CDH8: variants seen among roughly 807,000 people sequenced by gnomAD.
CDH8 encodes the protein cadherin-8.
In CDH8, 17 loss-of-function variants were observed where a neutral mutation model predicts 68.1. The observed-to-expected ratio is 0.25, with a 90% CI of 0.17 to 0.37. CDH8 has a LOEUF of 0.37. CDH8 is among the 10% of genes least tolerant of loss of function. CDH8 has a pLI of 1.00. For synonymous variants in CDH8, 372 were observed against 365.1 expected (o/e 1.02, Z -0.21); for missense variants, 763 against 999.3 (o/e 0.76, Z 3.19).
intron 10 of CDH8, among the ~76,000 whole-genome samples, chr16:61,660,108 G>A (rs1400954320): frequency 6.6e-6 from 1 of 152,082 alleles, no homozygotes; most frequent in East Asian, 1.9e-4. Context: ...TACCACAGAG[G>A]GGGAAATAGA....
intron 2 of CDH8, among the ~76,000 whole-genome samples, chr16:61,932,667 A>C (rs1964564512): frequency 6.6e-6 from 1 of 152,182 alleles, no homozygotes; most frequent in African/African-American, 2.4e-5. Flanking sequence ...AACCCTGTGG[A>C]TATAAGAGTG....
At chr16:61,694,740 A>C (rs1964293558) in intron 10 of CDH8, among the ~76,000 whole-genome samples, 2 of 152,136 alleles carry the variant, frequency 1.3e-5, no homozygotes, top group Admixed American at 6.5e-5. Context: ...TTAATAAACA[A>C]ACATCTCTAT....
intron 4 of CDH8, among the ~76,000 whole-genome samples, chr16:61,847,979 T>G (rs1168960751): frequency 6.6e-6 from 1 of 152,048 alleles, no homozygotes; most frequent in African/African-American, 2.4e-5. Flanking sequence ...TATTGGTTAA[T>G]CTTTGATGCT....
At chr16:61,814,853 A>G (rs1422500484) in intron 7 of CDH8, among the ~76,000 whole-genome samples, 1 of 152,166 alleles carries the variant, frequency 6.6e-6, no homozygotes, top group Non-Finnish European at 1.5e-5. Flanking sequence ...AGAGAGAGGG[A>G]AGCTGCTCTC....
intron 1 of CDH8, among the ~76,000 whole-genome samples, chr16:62,029,179 A>G (rs1295122011): frequency 6.6e-6 from 1 of 152,188 alleles, no homozygotes; most frequent in Non-Finnish European, 1.5e-5. Flanking sequence ...AGGAAGAAAT[A>G]AATAAGGTAA....
At chr16:61,848,861 G>T (rs561215291) in intron 4 of CDH8, among the ~76,000 whole-genome samples, 1 of 152,068 alleles carries the variant, frequency 6.6e-6, no homozygotes, top group Non-Finnish European at 1.5e-5. Context: ...CTTCTTCAAC[G>T]TATTAATTCA....
At chr16:61,842,154 G>C (rs543710738) in intron 4 of CDH8, among the ~76,000 whole-genome samples, 2 of 150,364 alleles carry the variant, frequency 1.3e-5, no homozygotes, top group African/African-American at 4.9e-5. Context: ...TGATCCGCCC[G>C]CCTGGGCCTC....
intron 2 of CDH8, among the ~76,000 whole-genome samples, chr16:61,929,464 T>C (rs1164049460): frequency 6.6e-6 from 1 of 152,184 alleles, no homozygotes; most frequent in Admixed American, 6.5e-5. Flanking sequence ...TTCGCCTACA[T>C]GGATTCGAGA....
intron 7 of CDH8, among the ~76,000 whole-genome samples, chr16:61,813,485 C>T (rs941765391): frequency 1.3e-5 from 2 of 152,164 alleles, no homozygotes; most frequent in South Asian, 4.1e-4. Context: ...CAAGTGTTTA[C>T]ATCAGATGCT....
chr16:61,788,735 TC>T (rs1328253359), intron 8 of CDH8, among the ~76,000 whole-genome samples: 10 of 151,644 alleles, frequency 6.6e-5, no homozygotes, highest in Non-Finnish European at 1.5e-4. Flanking sequence ...TAGACTCTCC[TC>T]CCCCATAATA....
At chr16:61,681,999 G>C (rs1964020760) in intron 10 of CDH8, among the ~76,000 whole-genome samples, 1 of 151,784 alleles carries the variant, frequency 6.6e-6, no homozygotes, top group Non-Finnish European at 1.5e-5. Flanking sequence ...TCTAAGTACA[G>C]AAGGATAAGC....
intron 2 of CDH8, among the ~76,000 whole-genome samples, chr16:62,014,710 G>C (rs765387269): frequency 1.3e-5 from 2 of 152,146 alleles, no homozygotes; most frequent in Admixed American, 6.6e-5. Context: ...AATTTAAAGA[G>C]AGAAAATGAG....
intron 8 of CDH8, among the ~76,000 whole-genome samples, chr16:61,727,706 T>C (rs1398551471): frequency 6.6e-6 from 1 of 151,100 alleles, no homozygotes. Context: ...AGAGGTAAGA[T>C]TAAAGATGAA....
At chr16:61,743,429 G>A (rs1414195547) in intron 8 of CDH8, 1 of 155,552 alleles carries the variant, frequency 6.4e-6, no homozygotes, top group Non-Finnish European at 1.5e-5. Flanking sequence ...AATCAACCCT[G>A]GCAATCAGTG....
intron 2 of CDH8, among the ~76,000 whole-genome samples, chr16:62,005,177 G>A (rs575094852): frequency 1.3e-5 from 2 of 152,256 alleles, no homozygotes; most frequent in African/African-American, 4.8e-5. Flanking sequence ...CCCAGTACTT[G>A]CAAAGCCGAG....
intron 2 of CDH8, among the ~76,000 whole-genome samples, chr16:61,974,468 G>C (rs867759854): frequency 2.6e-5 from 4 of 152,130 alleles, no homozygotes; most frequent in Admixed American, 6.5e-5. Context: ...TGCAATGAGT[G>C]CCATGAAATC....
At chr16:61,682,812 G>T (rs1226326409) in intron 10 of CDH8, among the ~76,000 whole-genome samples, 1 of 151,918 alleles carries the variant, frequency 6.6e-6, no homozygotes, top group Non-Finnish European at 1.5e-5. Context: ...TCAGCAGTTT[G>T]CCAGTGACAT....
At chr16:61,959,440 A>T (rs994401617) in intron 2 of CDH8, among the ~76,000 whole-genome samples, 6 of 152,014 alleles carry the variant, frequency 3.9e-5, no homozygotes, top group African/African-American at 1.5e-4. Flanking sequence ...CAGAGGATTC[A>T]TCAAAGCATA....
intron 8 of CDH8, among the ~76,000 whole-genome samples, chr16:61,774,696 C>G (rs1960863236): frequency 6.6e-6 from 1 of 151,918 alleles, no homozygotes; most frequent in Non-Finnish European, 1.5e-5. Flanking sequence ...ATTAGGAGCC[C>G]CAAAGCACTA....
Sources: allele counts gnomAD v4.1 joint callset (sites outside exome capture counted in the v4.1 genomes callset), GRCh38; gene constraint gnomAD v4.1.1; transcripts MANE v1.5; gene names NCBI Gene and HGNC (gene_info 2026-07-23, HGNC 2026-07-21).